Variants in PUDP observed in about 807,000 individuals in gnomAD.
PUDP encodes the protein pseudouridine 5'-phosphatase.
In PUDP, 8 loss-of-function variants were observed where a neutral mutation model predicts 9.4. The ratio of observed to expected loss-of-function variants is 0.85; its 90% confidence interval spans 0.50 to 1.53. PUDP has a LOEUF of 1.53. Ranked by LOEUF, PUDP falls within the 40% of genes most tolerant of loss-of-function variation. PUDP has a pLI of 0.00. For missense variants in PUDP, 188 were observed against 189.7 expected, an observed-to-expected ratio of 0.99 and a Z score of 0.05; for synonymous variants, 99 against 80.7, an observed-to-expected ratio of 1.23 and a Z score of -1.22.
chrX:6,726,130 T>C (rs1214532685), upstream of PUDP, among the ~76,000 whole-genome samples: 2 of 111,603 alleles, frequency 1.8e-5, no homozygotes, highest in Non-Finnish European at 3.8e-5. Context: ...TGAACATCAG[T>C]GGCCCTTCTT....
At chrX:6,938,870 C>T (rs1176365239) in intron 3 of PUDP, among the ~76,000 whole-genome samples, 2 of 105,150 alleles carry the variant, frequency 1.9e-5, no homozygotes, top group Non-Finnish European at 3.9e-5. Flanking sequence ...GCAAATGTCA[C>T]ATTTTACTTT....
chrX:6,803,308 T>C lies in PUDP; in HGVS notation c.*248-96842A>G, dbSNP rs1377064592. 3.6e-5 allele frequency among the ~76,000 whole-genome samples: 4 copies of C among 110,071 alleles called. No homozygotes were observed. In the South Asian group the frequency reaches 1.5e-3, roughly 43 times the overall value. ...ACGGCAACAATAATCAGGCAATCAA[T>C]GAGGAAAGCTACATTGGAAGAGGAG... On this transcript the variant is annotated intron_variant and NMD_transcript_variant, in intron 3 of 3. Transcript: ENST00000655425.
chrX:7,008,783 A>G (rs1040042262), intron 1 of PUDP, among the ~76,000 whole-genome samples: 5 of 112,505 alleles, frequency 4.4e-5, no homozygotes, highest in Admixed American at 1.9e-4. Context: ...TTGTCCAAAT[A>G]ATCTGACATT....
chrX:6,937,912 G>A (rs1467727953), intron 3 of PUDP, among the ~76,000 whole-genome samples: 3 of 82,237 alleles, frequency 3.6e-5, no homozygotes, highest in African/African-American at 1.4e-4. Flanking sequence ...TCAAAGAAAT[G>A]CAAATCAAAA....
At chrX:6,774,723 C>A (rs1925420570) in intron 3 of PUDP, among the ~76,000 whole-genome samples, 1 of 112,175 alleles carries the variant, frequency 8.9e-6, no homozygotes, top group South Asian at 3.7e-4. Context: ...CCAGCCATTG[C>A]AATTGATCTT....
intron 1 of PUDP, among the ~76,000 whole-genome samples, chrX:6,978,641 C>CA (rs1181259431): frequency 1.8e-5 from 2 of 111,718 alleles, no homozygotes; most frequent in African/African-American, 6.5e-5. Context: ...ACAAAAAAGA[C>CA]ATAATAAAAT....
intron 1 of PUDP, among the ~76,000 whole-genome samples, chrX:6,991,543 T>C (rs1456734204): frequency 9.1e-6 from 1 of 109,702 alleles, no homozygotes; most frequent in Non-Finnish European, 1.9e-5. Flanking sequence ...CTGGGCATGG[T>C]GGCATGTGCC....
intron 1 of PUDP, among the ~76,000 whole-genome samples, chrX:6,987,128 A>T (rs1380046125): frequency 8.9e-6 from 1 of 112,261 alleles, no homozygotes; most frequent in Admixed American, 9.5e-5. Context: ...TGTGAGCTTC[A>T]CGTAGGTGGG....
intron 3 of PUDP, among the ~76,000 whole-genome samples, chrX:6,736,029 T>C (rs760631786): frequency 1.9e-4 from 2 of 10,746 alleles, no homozygotes; most frequent in African/African-American, 5.4e-4. Flanking sequence ...CAAGACTTTG[T>C]CTCAAAAAAA....
intron 1 of PUDP, among the ~76,000 whole-genome samples, chrX:6,710,765 G>A (rs773933089): frequency 2.7e-5 from 3 of 111,932 alleles, no homozygotes; most frequent in South Asian, 7.4e-4. Flanking sequence ...TGTGCCAAAG[G>A]TCTGGGGTTT....
At chrX:6,750,024 G>A (rs1158150840) in intron 3 of PUDP, among the ~76,000 whole-genome samples, 2 of 112,044 alleles carry the variant, frequency 1.8e-5, no homozygotes, top group African/African-American at 6.5e-5. Context: ...TAAATGGAAC[G>A]TATTTGGGGA....
At chrX:6,867,627 T>C (rs758925279) in intron 3 of PUDP, among the ~76,000 whole-genome samples, 3 of 110,283 alleles carry the variant, frequency 2.7e-5, no homozygotes, top group African/African-American at 9.9e-5. Context: ...TTGATGGCAA[T>C]GGTGGTGTTG....
At chrX:6,917,907 C>A (rs771007025) in intron 3 of PUDP, among the ~76,000 whole-genome samples, 9 of 111,865 alleles carry the variant, frequency 8.0e-5, no homozygotes, top group African/African-American at 2.6e-4. Flanking sequence ...GTAATTTGGA[C>A]GTCATGGGGC....
At chrX:6,754,173 G>T (rs1035443340) in intron 3 of PUDP, among the ~76,000 whole-genome samples, 4 of 111,654 alleles carry the variant, frequency 3.6e-5, no homozygotes, top group Non-Finnish European at 7.5e-5. Context: ...GGACCCAAAG[G>T]AGGTAATTGA....
At chrX:6,981,711 C>A (rs143403908) in intron 1 of PUDP, among the ~76,000 whole-genome samples, 4,013 of 111,220 alleles carry the variant, frequency 0.036, 126 homozygotes, top group African/African-American at 0.094. Flanking sequence ...ATCATCTATT[C>A]CAGTCCAAAA....
intron 3 of PUDP, among the ~76,000 whole-genome samples, chrX:6,946,556 G>A (rs761225890): frequency 2.7e-5 from 3 of 112,034 alleles, no homozygotes; most frequent in South Asian, 7.4e-4. Context: ...TTAGCTACAA[G>A]GTTGTTTTAG....
At chrX:6,827,122 C>T (rs1435567102) in intron 3 of PUDP, among the ~76,000 whole-genome samples, 3 of 111,878 alleles carry the variant, frequency 2.7e-5, no homozygotes, top group African/African-American at 6.5e-5. Context: ...GCTGAGGTTG[C>T]GTTTGGATCC....
At position 6,980,435 on chromosome X, in the gene PUDP, C is replaced by T. The variant is rs773656826; in HGVS notation, c.205-2092G>A. Among the ~76,000 whole-genome samples, 4 of 110,902 alleles carry T rather than the reference C, an allele frequency of 3.6e-5. No homozygotes were observed. The South Asian group carries it at 1.2e-3, about 32-fold the overall frequency. ...CTGTTGCCGAGGGTGGTCTTGAACT[C>T]CTGGGCTCAAGAGATGCTCTCGCCT... On this transcript the variant is annotated intron_variant and NMD_transcript_variant, in intron 1 of 3. Coordinates refer to the PUDP transcript ENST00000655425.
At chrX:7,129,668 T>C (rs941741843) in intron 1 of PUDP, among the ~76,000 whole-genome samples, 2 of 112,347 alleles carry the variant, frequency 1.8e-5, no homozygotes, top group African/African-American at 3.2e-5. Flanking sequence ...AAGTGCCATT[T>C]ACTAATTTAT....
Sources: gnomAD v4.1 joint callset for allele counts (sites outside exome capture counted in the v4.1 genomes callset) on GRCh38, gnomAD v4.1.1 for gene constraint, MANE v1.5 for transcripts, NCBI Gene and HGNC (gene_info 2026-07-23, HGNC 2026-07-21) for gene names.